CEP126: variants seen among roughly 807,000 people sequenced by gnomAD.
CEP126 encodes the protein centrosomal protein of 126 kDa.
CEP126 carries 74 observed loss-of-function variants against 107.8 expected under a neutral mutation model. That is an observed-to-expected ratio of 0.69 (90% CI 0.57 to 0.83). The LOEUF (loss-of-function observed/expected upper bound fraction) is 0.83, where lower values mean the gene tolerates loss of function less well. Ranked by LOEUF, CEP126 falls within the 40% of genes least tolerant of loss-of-function variation. The pLI, the probability that CEP126 is intolerant of heterozygous loss-of-function variation, is 0.00. For synonymous variants in CEP126, 449 were observed against 446.0 expected, an observed-to-expected ratio of 1.01 and a Z score of -0.08; for missense variants, 1,237 against 1,281.9, an observed-to-expected ratio of 0.96 and a Z score of 0.53.
chr11:101,916,238 CT>C, intron 1 of CEP126: 2 of 152,300 alleles, frequency 1.3e-5, no homozygotes, highest in Middle Eastern at 3.4e-3. Flanking sequence ...ACTCTGTTTT[CT>C]TATCCCCTTT....
Position 101,986,888 on chromosome 11 carries a change from C to T in CEP126, c.3091C>T (p.Pro1031Ser). 2 of 1,613,782 alleles carry T rather than the reference C, an allele frequency of 1.2e-6. No homozygotes were observed. The highest frequency in any genetic ancestry group is 1.7e-6 in the Non-Finnish European group (2 of 1,179,846). Residue 1031 changes from proline to serine, a missense_variant, in exon 9 of 11, where the codon CCG becomes TCG. Physicochemically the swap from Pro to Ser is moderately conservative, Grantham distance 74. This residue lies in a region of CEP126 where 99 missense variants were observed against 114.4 expected (regional missense o/e 0.87). Transcript: ENST00000263468. Reference sequence around the variant, plus strand: ...TGAAAACTTAGTGAAAGCATCAGTGCCGGAGGATGAGATTCTGACTGTCTT... The same window carrying T: ...TGAAAACTTAGTGAAAGCATCAGTGTCGGAGGATGAGATTCTGACTGTCTT... ...MAENLVKASV[P>S]EDEILTVLNS...
intron 2 of CEP126, among the ~76,000 whole-genome samples, chr11:101,943,718 A>G (rs907922580): frequency 1.3e-5 from 2 of 152,070 alleles, no homozygotes; most frequent in African/African-American, 2.4e-5. Context: ...GCTATGTGTG[A>G]TTAAGAATCC....
At chr11:101,943,934 A>G (rs1395261289) in intron 2 of CEP126, among the ~76,000 whole-genome samples, 1 of 152,288 alleles carries the variant, frequency 6.6e-6, no homozygotes, top group Middle Eastern at 3.4e-3. Flanking sequence ...CATTCTTCAC[A>G]TTACAGAAAA....
At chr11:101,932,812 G>T (rs916567447) in intron 2 of CEP126, among the ~76,000 whole-genome samples, 1 of 152,020 alleles carries the variant, frequency 6.6e-6, no homozygotes, top group African/African-American at 2.4e-5. Flanking sequence ...ATGATAATTA[G>T]TAATTCTTTG....
chr11:101,980,155 A>C (rs1333240821), intron 7 of CEP126, among the ~76,000 whole-genome samples: 1 of 152,194 alleles, frequency 6.6e-6, no homozygotes, highest in African/African-American at 2.4e-5. Flanking sequence ...CACATTACCC[A>C]TATATTTTTA....
At position 101,991,735 on chromosome 11, in the gene CEP126, A is replaced by T. The variant is rs147361196; in HGVS notation, c.3245-1043A>T. ...AGAAATTTTCCAAACTGGAACAGTA[A>T]GAGAAAAAACAAAAAGAAAATTAAC... On this transcript the variant is annotated intron_variant, in intron 9 of 10. Transcript: ENST00000263468. Among the ~76,000 whole-genome samples, 238 of 152,348 alleles carry T rather than the reference A, an allele frequency of 1.6e-3. 1 individual carries two copies. Among genetic ancestry groups the T allele is most frequent in the African/African-American group, 5.2e-3 (218 of 41,578 alleles).
intron 4 of CEP126, among the ~76,000 whole-genome samples, chr11:101,950,115 A>C (rs183118480): frequency 6.6e-6 from 1 of 152,358 alleles, no homozygotes; most frequent in East Asian, 1.9e-4. Flanking sequence ...AAGAGAGAAT[A>C]TCCAACATAG....
At chr11:101,985,988 A>ATTTTTTTTTTTTTTTTTTTTTTTTTTT (rs773628925) in intron 8 of CEP126, among the ~76,000 whole-genome samples, 1 of 126,458 alleles carries the variant, frequency 7.9e-6, no homozygotes, top group Non-Finnish European at 1.6e-5. Flanking sequence ...CTCTGAATTG[A>ATTTTTTTTTTTTTTTTTTTTTTTTTTT]TTTCTTTTTT....
At chr11:101,941,901 A>G (rs1199236864) in intron 2 of CEP126, among the ~76,000 whole-genome samples, 4 of 152,112 alleles carry the variant, frequency 2.6e-5, no homozygotes, top group Non-Finnish European at 1.5e-5. Flanking sequence ...TTAATGATTA[A>G]TGATGTTGAG....
At chr11:101,989,687 C>T (rs191105816) in intron 9 of CEP126, among the ~76,000 whole-genome samples, 4 of 152,256 alleles carry the variant, frequency 2.6e-5, no homozygotes, top group Non-Finnish European at 5.9e-5. Context: ...AGGCCGGGCG[C>T]GGTGCCTCAC....
intron 6 of CEP126, among the ~76,000 whole-genome samples, chr11:101,971,308 G>T (rs76357546): frequency 0.016 from 2,331 of 149,490 alleles, 35 homozygotes; most frequent in Non-Finnish European, 0.027. Flanking sequence ...AATAACAACA[G>T]ATTTTTCATA....
At chr11:101,980,956 C>G (rs542593020) in intron 7 of CEP126, among the ~76,000 whole-genome samples, 2 of 152,166 alleles carry the variant, frequency 1.3e-5, no homozygotes, top group Non-Finnish European at 2.9e-5. Context: ...TAGTTATAGC[C>G]AGGCAGTTTT....
intron 1 of CEP126, among the ~76,000 whole-genome samples, chr11:101,920,497 A>C: frequency 7.4e-6 from 1 of 135,314 alleles, no homozygotes; most frequent in African/African-American, 2.6e-5. Context: ...TGTTTGTTCT[A>C]AAAAAGACAA....
chr11:101,937,260 TTA>T (rs1345530176), intron 2 of CEP126, among the ~76,000 whole-genome samples: 1 of 152,218 alleles, frequency 6.6e-6, no homozygotes, highest in Non-Finnish European at 1.5e-5. Context: ...GAGTCTGAAT[TTA>T]TATGTTACTG....
chr11:101,934,035 G>T (rs773186981), intron 2 of CEP126, among the ~76,000 whole-genome samples: 4 of 151,990 alleles, frequency 2.6e-5, no homozygotes, highest in Non-Finnish European at 4.4e-5. Flanking sequence ...CTCACAGATA[G>T]ATACAAAGGA....
At chr11:101,970,098 C>CA (rs1941108160) in intron 6 of CEP126, among the ~76,000 whole-genome samples, 1 of 151,872 alleles carries the variant, frequency 6.6e-6, no homozygotes, top group African/African-American at 2.4e-5. Flanking sequence ...TATTTTCATC[C>CA]AAAAAACCAT....
At chr11:101,924,661 T>G (rs190211380) in intron 2 of CEP126, among the ~76,000 whole-genome samples, 26 of 152,274 alleles carry the variant, frequency 1.7e-4, no homozygotes, top group Admixed American at 5.9e-4. Flanking sequence ...AGAGACAAGG[T>G]TTCGCCATGT....
At chr11:101,964,288 C>T (rs938237716) in intron 6 of CEP126, among the ~76,000 whole-genome samples, 10 of 146,940 alleles carry the variant, frequency 6.8e-5, no homozygotes, top group African/African-American at 2.3e-4. Context: ...GATGACAGAG[C>T]AAGACTCTGT....
chr11:101,998,552 CA>C lies in CEP126; in HGVS notation c.*910del. 1 of 122,224 alleles carries C rather than the reference CA, an allele frequency of 8.2e-6. No homozygotes were observed. Among genetic ancestry groups the C allele is most frequent in the Non-Finnish European group, 1.6e-5 (1 of 64,036 alleles). The allele number at this position is 122,224 out of a possible 1,614,324, so 7.6% of individuals were successfully genotyped here. A position where few individuals can be genotyped will look rare whatever the true frequency, so the allele number is the denominator to read the frequency against. ...GAGGCTGCAGTGAGCTGTGTTTCGC[CA>C]CTGCACACCAGCCTGGGTGACAGTG... is the stretch of plus-strand genomic sequence containing the variant. On this transcript the variant is annotated 3_prime_UTR_variant, in exon 11 of 11. Transcript: ENST00000263468.
Sources: gnomAD v4.1 joint callset for allele counts (sites outside exome capture counted in the v4.1 genomes callset) on GRCh38, gnomAD v4.1.1 for gene constraint, gnomAD v4.1.1 regional missense constraint, MANE v1.5 for transcripts, NCBI Gene and HGNC (gene_info 2026-07-23, HGNC 2026-07-21) for gene names.